Variants in BRD4 observed in about 807,000 individuals in gnomAD.
BRD4 encodes the protein bromodomain containing 4.
Under a neutral mutation model 142.1 loss-of-function variants are expected in BRD4, and 16 were observed. The observed-to-expected ratio is 0.11, with a 90% CI of 0.08 to 0.17. The LOEUF (loss-of-function observed/expected upper bound fraction) is 0.17. Ranked by LOEUF, BRD4 falls within the 10% of genes least tolerant of loss-of-function variation. The pLI is 1.00. For synonymous variants in BRD4, 833 were observed against 707.5 expected (o/e 1.18, Z -2.82); for missense variants, 1,424 against 1,810.9 (o/e 0.79, Z 3.88).
At chr19:15,330,248 T>C (rs930868318) in intron 1 of BRD4, among the ~76,000 whole-genome samples, 6 of 152,184 alleles carry the variant, frequency 3.9e-5, no homozygotes, top group African/African-American at 1.4e-4. Context: ...ATACTATGTT[T>C]CCTACCAAAG....
chr19:15,322,204 C>G (rs1395226483), intron 1 of BRD4, among the ~76,000 whole-genome samples: 1 of 152,154 alleles, frequency 6.6e-6, no homozygotes, highest in Non-Finnish European at 1.5e-5. Context: ...TCTGACATTT[C>G]CCTTTTCTCC....
intron 1 of BRD4, among the ~76,000 whole-genome samples, chr19:15,324,048 G>T (rs920060329): frequency 1.3e-5 from 2 of 152,276 alleles, no homozygotes; most frequent in East Asian, 3.9e-4. Flanking sequence ...CCAGAAGGGG[G>T]TGGGGCTGGG....
At chr19:15,265,926 G>A (rs947521301) in intron 4 of BRD4, among the ~76,000 whole-genome samples, 2 of 152,302 alleles carry the variant, frequency 1.3e-5, no homozygotes, top group Non-Finnish European at 2.9e-5. Context: ...GGCTCAAGGA[G>A]CAGGAAGCAC....
At chr19:15,313,401 G>A (rs1168715404) in intron 1 of BRD4, among the ~76,000 whole-genome samples, 9 of 146,968 alleles carry the variant, frequency 6.1e-5, no homozygotes, top group Non-Finnish European at 7.5e-5. Flanking sequence ...AAGGCCGAGC[G>A]GTGGCTCATG....
intron 1 of BRD4, among the ~76,000 whole-genome samples, chr19:15,274,891 A>C (rs561546556): frequency 1.2e-4 from 18 of 150,828 alleles, no homozygotes; most frequent in Non-Finnish European, 2.4e-4. Flanking sequence ...TTTTGGAGAC[A>C]GGGTCTGTCG....
intron 11 of BRD4, among the ~76,000 whole-genome samples, chr19:15,250,737 C>T (rs2047334774): frequency 6.6e-6 from 1 of 152,204 alleles, no homozygotes; most frequent in Non-Finnish European, 1.5e-5. Flanking sequence ...GTGCATGACA[C>T]TTGGGAAGAA....
chr19:15,252,607 G>A (rs1039831889), intron 11 of BRD4, among the ~76,000 whole-genome samples: 3 of 152,250 alleles, frequency 2.0e-5, no homozygotes, highest in African/African-American at 4.8e-5. Context: ...GCAGCCATGG[G>A]GTGCAGTGCC....
At chr19:15,299,119 T>A (rs759307519) in intron 1 of BRD4, among the ~76,000 whole-genome samples, 3 of 152,146 alleles carry the variant, frequency 2.0e-5, no homozygotes, top group African/African-American at 7.2e-5. Flanking sequence ...TTTGTAGAAA[T>A]AGGCAGTGTC....
intron 2 of BRD4, 137 bp from the exon 3 acceptor site, chr19:15,269,179 C>T (rs751101784): frequency 2.3e-5 from 21 of 918,984 alleles, no homozygotes; most frequent in Admixed American, 8.5e-5. Flanking sequence ...CTCCTACTGG[C>T]ATCAGCAAGT....
At chr19:15,267,668 T>C in intron 3 of BRD4, 117 bp from the exon 4 acceptor site, 1 of 1,218,274 alleles carries the variant, frequency 8.2e-7, no homozygotes, top group Non-Finnish European at 1.1e-6. Context: ...GTATTCCGGG[T>C]CCTTCCCCGA....
At chr19:15,306,988 T>TA (rs2047919770) in intron 1 of BRD4, among the ~76,000 whole-genome samples, 1 of 151,688 alleles carries the variant, frequency 6.6e-6, no homozygotes, top group South Asian at 2.1e-4. Context: ...AATTTGTAAA[T>TA]AAAAAAACCG....
At chr19:15,253,200 C>G (rs958815167) in intron 11 of BRD4, 2 of 347,758 alleles carry the variant, frequency 5.8e-6, no homozygotes, top group Non-Finnish European at 1.1e-5. Context: ...GCGGCAACCC[C>G]GTTGGCCGTA....
intron 1 of BRD4, among the ~76,000 whole-genome samples, chr19:15,277,619 CAAAAAAAAA>C (rs67961221): frequency 9.4e-5 from 9 of 96,022 alleles, no homozygotes; most frequent in African/African-American, 3.7e-4. Context: ...CTATCTCTAC[CAAAAAAAAA>C]AAAAAAAAAA....
At chr19:15,247,194 C>T (rs1276630581) in intron 11 of BRD4, 8 of 229,004 alleles carry the variant, frequency 3.5e-5, no homozygotes, top group Non-Finnish European at 8.7e-6. Flanking sequence ...CCCCCAGCCC[C>T]ACTCCAGTGA....
At chr19:15,245,000 T>A (rs2047273024) in intron 11 of BRD4, 1 of 709,194 alleles carries the variant, frequency 1.4e-6, no homozygotes, top group Admixed American at 3.1e-5. Flanking sequence ...TGAAAAAGCC[T>A]CCCCTGCCAA....
intron 1 of BRD4, among the ~76,000 whole-genome samples, chr19:15,331,161 T>G (rs981642459): frequency 6.6e-6 from 1 of 151,696 alleles, no homozygotes; most frequent in Non-Finnish European, 1.5e-5. Context: ...ATAAAAATCT[T>G]AAAAAAACAA....
At position 15,244,454 on chromosome 19, in the gene BRD4, C is replaced by A; in HGVS notation, c.2358G>T (p.Pro786=). The change falls in exon 13 of 20, where the codon CCG becomes CCT. Residue 786 remains proline, a synonymous_variant. Coordinates refer to ENST00000679869, the MANE Select transcript of BRD4 (RefSeq NM_001379291.1). ...PPPPPPPPSM[P]QQAAPAMKSS... ...ACTTCATCGCCGGGGCTGCCTGCTGCGGCATGGAGGGTGGGGGAGGCGGGG... is the reference window on the plus strand; with the variant it reads ...ACTTCATCGCCGGGGCTGCCTGCTGAGGCATGGAGGGTGGGGGAGGCGGGG... The A allele has an allele frequency of 4.6e-6, 2 of 434,140 alleles. No homozygotes were observed. The highest frequency in any genetic ancestry group is 2.7e-5 in the African/African-American group (1 of 36,752). 26.9% of individuals were successfully genotyped at this position (434,140 alleles called of 1,614,324 possible). A position where few individuals can be genotyped will look rare whatever the true frequency, so the allele number is the denominator to read the frequency against.
intron 1 of BRD4, among the ~76,000 whole-genome samples, chr19:15,308,151 G>GGC (rs2047931648): frequency 2.7e-5 from 1 of 37,506 alleles, no homozygotes; most frequent in African/African-American, 1.0e-4. Context: ...CGGGGCCGGG[G>GGC]GGGGGGGGGG....
At chr19:15,264,279 G>GA in intron 6 of BRD4, 125 bp downstream of exon 6, 2 of 1,372,552 alleles carry the variant, frequency 1.5e-6, no homozygotes, top group Non-Finnish European at 2.0e-6. Context: ...GAGTTGGCGG[G>GA]AAAAATCCAC....
Sources: allele counts gnomAD v4.1 joint callset (sites outside exome capture counted in the v4.1 genomes callset), GRCh38; gene constraint gnomAD v4.1.1; transcripts MANE v1.5; gene names NCBI Gene and HGNC (gene_info 2026-07-23, HGNC 2026-07-21).